Variants in IGLL5 observed in about 807,000 individuals in gnomAD.
The protein encoded by IGLL5 is immunoglobulin lambda-like polypeptide 5.
In IGLL5, 30 loss-of-function variants were observed where a neutral mutation model predicts 20.9. The observed-to-expected ratio is 1.44, with a 90% CI of 1.07 to 1.95. The LOEUF is 1.95. Among genes scored for constraint, IGLL5 ranks in the 30% most tolerant of loss-of-function variants. IGLL5 has a pLI of 0.00. For missense variants in IGLL5, 475 were observed against 270.7 expected, an observed-to-expected ratio of 1.75 and a Z score of -5.30; for synonymous variants, 203 against 117.3, an observed-to-expected ratio of 1.73 and a Z score of -4.72.
In IGLL5 at chr22:22,888,699, C is replaced by G. The variant is rs186568750; in HGVS notation, c.206+440C>G. ...AGGGGCCACTCCCTGGAGAAGGCAG[C>G]AAGGGCTTGGTTTGGTCTCCCCCAA... On this transcript the variant is annotated intron_variant, in intron 1 of 2. Transcript: ENST00000526893. Among the ~76,000 whole-genome samples the G allele has an allele frequency of 6.6e-5, 10 of 151,260 alleles. 1 individual carries two copies. Among genetic ancestry groups the G allele is most frequent in the East Asian group, 4.1e-4 (2 of 4,896 alleles).
Position 22,893,835 on chromosome 22 carries a change from C to T in IGLL5, c.325+17C>T, listed in dbSNP as rs568786671. ...CCGTCCTAGGTAAGTGGCTCTCAAC[C>T]TTTCCCAGCCTGTCTCACCCTCTGC... On this transcript the variant is annotated intron_variant, in intron 2 of 2. Coordinates refer to ENST00000526893, the MANE Select transcript of IGLL5 (RefSeq NM_001178126.2). The T allele has an allele frequency of 1.1e-5, 16 of 1,503,120 alleles. No individual in the cohort carries two copies. The highest frequency in any genetic ancestry group is 4.1e-5 in the African/African-American group (3 of 72,772). 93.1% of individuals were successfully genotyped at this position (1,503,120 alleles called of 1,614,324 possible). A position where few individuals can be genotyped will look rare whatever the true frequency, so the allele number is the denominator to read the frequency against.
chr22:22,894,086 T>A (rs184619689), intron 2 of IGLL5, among the ~76,000 whole-genome samples: 2 of 151,398 alleles, frequency 1.3e-5, no homozygotes, highest in Admixed American at 6.6e-5. Flanking sequence ...CCAGGGCAGA[T>A]GTCTGAGTGA....
At chr22:22,894,340 C>T (rs986923908) in intron 2 of IGLL5, among the ~76,000 whole-genome samples, 3 of 151,340 alleles carry the variant, frequency 2.0e-5, no homozygotes, top group Non-Finnish European at 2.9e-5. Flanking sequence ...ATGGAGGGCA[C>T]AGAGAGGGCT....
chr22:22,894,801 T>G lies in IGLL5; in HGVS notation c.326-574T>G, dbSNP rs2066697924. Reference sequence around the variant, plus strand: ...CAGAGCCTCAGAGGAGCCCTGAGGCTTGTCTAGGTGGAGCCCACTCCTTGC... The same window carrying G: ...CAGAGCCTCAGAGGAGCCCTGAGGCGTGTCTAGGTGGAGCCCACTCCTTGC... On this transcript the variant is annotated intron_variant, in intron 2 of 2. Coordinates refer to ENST00000526893, the MANE Select transcript of IGLL5 (RefSeq NM_001178126.2). Among the ~76,000 whole-genome samples the G allele has an allele frequency of 2.0e-5, 3 of 151,158 alleles. 1 individual carries two copies. The highest frequency in any genetic ancestry group is 1.3e-4 in the Admixed American group (2 of 15,096).
intron 1 of IGLL5, among the ~76,000 whole-genome samples, chr22:22,889,512 T>G (rs114120440): frequency 6.6e-6 from 1 of 151,294 alleles, no homozygotes; most frequent in East Asian, 2.0e-4. Context: ...TCAGCATTAT[T>G]AGTGATGGGA....
rs370346632 is a variant in IGLL5 at position 22,895,687 on chromosome 22, G to A, written c.638G>A (p.Cys213Tyr). The change falls in exon 3 of 3, where the codon TGT becomes TAT. Residue 213 changes from cysteine (C) to tyrosine (Y), a missense_variant. By Grantham distance (194) the Cys-to-Tyr change is radical (BLOSUM62 -2). Transcript: ENST00000526893. ...GAGAAGACAGTGGCCCCTACAGAAT[G>A]TTCATAGGTTCCCAACTCTAACCCC... ...TVEKTVAPTECS is the reference protein window; with the variant it reads ...TVEKTVAPTEYS The A allele has an allele frequency of 1.9e-6, 3 of 1,613,030 alleles. No homozygotes were observed. The highest frequency in any genetic ancestry group is 1.7e-6 in the Non-Finnish European group (2 of 1,179,676).
At chr22:22,891,687 T>C (rs2856883) in intron 1 of IGLL5, among the ~76,000 whole-genome samples, 2 of 151,478 alleles carry the variant, frequency 1.3e-5, no homozygotes, top group Middle Eastern at 3.7e-3. Context: ...AGATAAGTGG[T>C]TTAATATTTT....
chr22:22,894,822 C>A (rs1357158724), intron 2 of IGLL5, among the ~76,000 whole-genome samples: 1 of 151,410 alleles, frequency 6.6e-6, no homozygotes, highest in African/African-American at 2.4e-5. Context: ...GAGCCCACTC[C>A]TTGCCAGGAG....
At chr22:22,889,751 C>T (rs1027496017) in intron 1 of IGLL5, among the ~76,000 whole-genome samples, 1 of 151,258 alleles carries the variant, frequency 6.6e-6, no homozygotes, top group East Asian at 2.0e-4. Context: ...CTACACCTGG[C>T]TAATTTTGAT....
At chr22:22,894,551 T>G (rs2066666954) in intron 2 of IGLL5, among the ~76,000 whole-genome samples, 1 of 151,486 alleles carries the variant, frequency 6.6e-6, no homozygotes, top group Admixed American at 6.6e-5. Flanking sequence ...TGTTCACGGA[T>G]CGGCCTCCTG....
At position 22,887,822 on chromosome 22, in the gene IGLL5, G is replaced by A. The variant is rs1382539939; in HGVS notation, c.-232G>A. On this transcript the variant is annotated 5_prime_UTR_variant, in exon 1 of 3. Transcript: ENST00000526893. ...GGCAGTTGAGCCCTGGATTGTGACC[G>A]CTTCAGGGCAGTTGGTAGATGCCCC... 1.0e-5 allele frequency: 6 copies of A among 593,738 alleles called. No homozygotes were observed. The highest frequency in any genetic ancestry group is 3.0e-5 in the Admixed American group (1 of 33,674). The allele number at this position is 593,738 out of a possible 1,614,324, so 36.8% of individuals were successfully genotyped here.
chr22:22,889,588 A>C (rs558758356), intron 1 of IGLL5, among the ~76,000 whole-genome samples: 1 of 151,152 alleles, frequency 6.6e-6, no homozygotes. Context: ...TATTTGGGGG[A>C]CTGTTGTTGT....
intron 1 of IGLL5, among the ~76,000 whole-genome samples, chr22:22,891,757 T>G (rs2067854206): frequency 6.6e-6 from 1 of 151,382 alleles, no homozygotes; most frequent in Non-Finnish European, 1.5e-5. Flanking sequence ...AATATAATTT[T>G]ATTGAAGTTA....
In IGLL5 at chr22:22,888,059, A is replaced by G. The variant is rs567266097; in HGVS notation, c.6A>G (p.Arg2=). 1.9e-6 allele frequency: 3 copies of G among 1,548,912 alleles called. No individual in the cohort carries two copies. The highest frequency in any genetic ancestry group is 3.9e-5 in the Admixed American group (2 of 50,774). ...GCCCCTGAACCTGAAGGCCAATGAG[A>G]CCCAAGACAGGCCAAGTGGGTTGTG... is the stretch of plus-strand genomic sequence containing the variant. M[R]PKTGQVGCET... Residue 2 remains arginine (R), a synonymous_variant, in exon 1 of 3, where the codon AGA becomes AGG. Coordinates refer to ENST00000526893, the MANE Select transcript of IGLL5 (RefSeq NM_001178126.2).
chr22:22,888,607 A>C (rs752934628), intron 1 of IGLL5, among the ~76,000 whole-genome samples: 2 of 151,288 alleles, frequency 1.3e-5, no homozygotes, highest in African/African-American at 4.8e-5. Context: ...CACTGTCCCC[A>C]CAGGGTGCCC....
chr22:22,888,713 G>C (rs2067635946), intron 1 of IGLL5, among the ~76,000 whole-genome samples: 1 of 151,368 alleles, frequency 6.6e-6, no homozygotes, highest in East Asian at 2.0e-4. Flanking sequence ...GGCTTGGTTT[G>C]GTCTCCCCCA....
chr22:22,891,780 C>T lies in IGLL5; in HGVS notation c.207-1920C>T, dbSNP rs114759274. 5.9e-3 allele frequency among the ~76,000 whole-genome samples: 895 copies of T among 151,204 alleles called. 12 individuals are homozygous for T. The highest frequency in any genetic ancestry group is 0.021 in the African/African-American group (859 of 41,246). ...TTTATTGAAGTTATAAATTTTTTCA[C>T]AATTTTATATCGTAAATGATTACTG... On this transcript the variant is annotated intron_variant, in intron 1 of 2. Coordinates refer to ENST00000526893, the MANE Select transcript of IGLL5 (RefSeq NM_001178126.2).
At position 22,888,116 on chromosome 22, in the gene IGLL5, G is replaced by A. The variant is rs6003367; in HGVS notation, c.63G>A (p.Arg21=). Residue 21 remains arginine, a synonymous_variant, in exon 1 of 3, where the codon AGG becomes AGA. Transcript: ENST00000526893. ...CTGAGGAGCTGGGCCCTGGTCCCAG[G>A]CAGCGCTGGCCCCTGCTGCTGCTGG... The part of the protein sequence containing the change: ...ETPEELGPGP[R]QRWPLLLLGL... 5 of 1,549,554 alleles carry A rather than the reference G, an allele frequency of 3.2e-6. No individual in the cohort carries two copies. The highest frequency in any genetic ancestry group is 1.4e-5 in the African/African-American group (1 of 72,946).
chr22:22,888,789 G>A lies in IGLL5; in HGVS notation c.206+530G>A, dbSNP rs185371435. On this transcript the variant is annotated intron_variant, in intron 1 of 2. Transcript: ENST00000526893. ...GGCCAGGCTCAAGGACACAGGGAGG[G>A]TGGGATGAACCGAGGGGAGCTGTCC... Among the ~76,000 whole-genome samples the A allele has an allele frequency of 4.0e-5, 6 of 151,438 alleles. 1 individual carries two copies. Among genetic ancestry groups the A allele is most frequent in the East Asian group, 4.1e-4 (2 of 4,922 alleles).
Sources: allele counts gnomAD v4.1 joint callset (sites outside exome capture counted in the v4.1 genomes callset), GRCh38; gene constraint gnomAD v4.1.1; transcripts MANE v1.5; gene names NCBI Gene and HGNC (gene_info 2026-07-23, HGNC 2026-07-21).